The following E2F4 variants were observed in gnomAD, a reference collection of about 807,000 sequenced individuals.
The protein encoded by E2F4 is E2F transcription factor 4.
A neutral mutation model predicts 44.5 loss-of-function variants in E2F4; 16 were observed. That is an observed-to-expected ratio of 0.36 (90% CI 0.24 to 0.55). The LOEUF (loss-of-function observed/expected upper bound fraction) is 0.55. Ranked by LOEUF, E2F4 falls within the 20% of genes least tolerant of loss-of-function variation. E2F4 has a pLI of 0.87. For missense variants in E2F4, 473 were observed against 522.1 expected (o/e 0.91, Z 0.92); for synonymous variants, 242 against 207.2 (o/e 1.17, Z -1.44).
At position 67,193,072 on chromosome 16, in the gene E2F4, G is replaced by A. The variant is rs1451020100; in HGVS notation, c.309G>A (p.Glu103=). The change falls in exon 3 of 10, where the codon GAG becomes GAA. Residue 103 remains glutamate (E), a synonymous_variant. Coordinates refer to ENST00000379378, the MANE Select transcript of E2F4 (RefSeq NM_001950.4). ...IADKLIELKA[E]IEELQQREQE... ...ACAAACTGATTGAGCTCAAGGCAGA[G>A]ATCGAGGAGCTGCAGCAGCGGGAGC... is the stretch of plus-strand genomic sequence containing the variant. 6.4e-7 allele frequency: 1 copy of A among 1,570,206 alleles called. No homozygotes were observed. The highest frequency in any genetic ancestry group is 8.6e-7 in the Non-Finnish European group (1 of 1,157,102).
chr16:67,198,440 TA>T lies in E2F4; in HGVS notation c.*318del. On this transcript the variant is annotated 3_prime_UTR_variant, in exon 10 of 10. Transcript: ENST00000379378. Reference sequence around the variant, plus strand: ...ACCGAGGAGCTGCCATTACCCCCCATAGGGGGCAGTGTCTTGTTCCTGCCAG... The same window carrying T: ...ACCGAGGAGCTGCCATTACCCCCCATGGGGGCAGTGTCTTGTTCCTGCCAG... The T allele has an allele frequency of 2.9e-6, 1 of 341,800 alleles. No individual in the cohort carries two copies. The highest frequency in any genetic ancestry group is 3.0e-5 in the South Asian group (1 of 32,966). 21.2% of individuals were successfully genotyped at this position (341,800 alleles called of 1,614,324 possible).
rs2032913767 is a variant in E2F4, at chr16:67,193,107, A to G, written c.344A>G (p.Asp115Gly). The G allele has an allele frequency of 6.4e-7, 1 of 1,574,144 alleles. No individual in the cohort carries two copies. ...EELQQREQEL[D>G]QHKVWVQQSI... ...CTGCAGCAGCGGGAGCAAGAACTAG[A>G]CCAGCACAAGGTGTGGGTGCAGCAG... is the stretch of plus-strand genomic sequence containing the variant. The change falls in exon 3 of 10, where the codon GAC becomes GGC. Residue 115 changes from aspartate (D) to glycine (G), a missense_variant. This residue lies in a region of E2F4 where 119 missense variants were observed against 175.6 expected (regional missense o/e 0.68). Coordinates refer to ENST00000379378, the MANE Select transcript of E2F4 (RefSeq NM_001950.4).
At chr16:67,196,055 C>T (rs906385862) in intron 7 of E2F4, 49 bp downstream of exon 7, 1 of 1,609,588 alleles carries the variant, frequency 6.2e-7, no homozygotes, top group African/African-American at 1.3e-5. Flanking sequence ...AGCCTCAGTC[C>T]AGTCCTAGGT....
At position 67,198,678 on chromosome 16, in the gene E2F4, C is replaced by T. The variant is rs3809629; in HGVS notation, c.*555C>T. The T allele has an allele frequency of 1.1e-4, 19 of 175,738 alleles. No homozygotes were observed. The East Asian group carries it at 2.8e-3, about 26-fold the overall frequency. 10.9% of individuals were successfully genotyped at this position (175,738 alleles called of 1,614,324 possible). The stretch of plus-strand genomic sequence containing the variant: ...GCGGCTACCAAGAAGGAACAGAGGT[C>T]TCTGGGGAGGAGTCTGGGTGGTCCA... On this transcript the variant is annotated 3_prime_UTR_variant, in exon 10 of 10. Transcript: ENST00000379378.
chr16:67,192,655 GC>G (rs1264955828), intron 1 of E2F4, 105 bp from the exon 2 acceptor site: 8 of 1,115,836 alleles, frequency 7.2e-6, no homozygotes, highest in Non-Finnish European at 1.3e-6. Context: ...CGCCTGGGAG[GC>G]ACTACAGGGT....
chr16:67,192,541 T>A (rs1037045438), intron 1 of E2F4, 179 bp downstream of exon 1: 4 of 1,081,946 alleles, frequency 3.7e-6, no homozygotes, highest in Admixed American at 5.9e-5. Context: ...GAGCTACAGC[T>A]ATGGGCCAGG....
intron 6 of E2F4, 145 bp downstream of exon 6, chr16:67,195,125 A>G: frequency 9.1e-7 from 1 of 1,097,834 alleles, no homozygotes; most frequent in Non-Finnish European, 1.3e-6. Context: ...TATGGTAATG[A>G]ATGAGCCTTT....
At chr16:67,195,732 A>G in intron 6 of E2F4, 50 bp from the exon 7 acceptor site, 2 of 1,608,166 alleles carry the variant, frequency 1.2e-6, no homozygotes. Context: ...GCCAGTTTCA[A>G]CGACCTCTTC....
intron 6 of E2F4, among the ~76,000 whole-genome samples, chr16:67,195,462 AC>A (rs886196813): frequency 3.7e-4 from 56 of 152,232 alleles, no homozygotes; most frequent in African/African-American, 1.3e-3. Context: ...GGAACCTCTG[AC>A]TGTGGGAAGA....
chr16:67,198,379 G>A lies in E2F4; in HGVS notation c.*256G>A, dbSNP rs865849975. ...TTGCTTCTCCCTTTCTGCGGCCTTC[G>A]CCAGCCCAGGCTCGGCTGCCACCCA... On this transcript the variant is annotated 3_prime_UTR_variant, in exon 10 of 10. Transcript: ENST00000379378. The A allele has an allele frequency of 1.3e-5, 6 of 478,040 alleles. No individual in the cohort carries two copies. Among genetic ancestry groups the A allele is most frequent in the South Asian group, 4.6e-5 (2 of 43,436 alleles). The allele number at this position is 478,040 out of a possible 1,614,324, so 29.6% of individuals were successfully genotyped here.
chr16:67,193,542 G>T (rs2032922308), intron 4 of E2F4, 27 bp downstream of exon 4: 1 of 1,613,706 alleles, frequency 6.2e-7, no homozygotes, highest in Non-Finnish European at 8.5e-7. Context: ...TAGGGGTAAG[G>T]GGGTGGGCTG....
At chr16:67,195,647 G>T in intron 6 of E2F4, 135 bp from the exon 7 acceptor site, 1 of 1,502,262 alleles carries the variant, frequency 6.7e-7, no homozygotes, top group Non-Finnish European at 8.9e-7. Flanking sequence ...TCCTCTGGGG[G>T]TGACTGGCAA....
At position 67,198,150 on chromosome 16, in the gene E2F4, G is replaced by C; in HGVS notation, c.*27G>C. On this transcript the variant is annotated 3_prime_UTR_variant, in exon 10 of 10. Coordinates refer to ENST00000379378, the MANE Select transcript of E2F4 (RefSeq NM_001950.4). ...TGACAGGGACATGCCCTGTGTGGCT[G>C]GGACCCAGACTGTCTGACCTGGGGG... 1 of 1,605,082 alleles carries C rather than the reference G, an allele frequency of 6.2e-7. No individual in the cohort carries two copies. The highest frequency in any genetic ancestry group is 1.1e-5 in the South Asian group (1 of 90,886).
At chr16:67,194,317 C>A in intron 4 of E2F4, 81 bp from the exon 5 acceptor site, 1 of 1,501,084 alleles carries the variant, frequency 6.7e-7, no homozygotes, top group Non-Finnish European at 9.2e-7. Flanking sequence ...TGATCTCCTG[C>A]CTTGCTCCAA....
chr16:67,192,623 C>A, intron 1 of E2F4, 138 bp from the exon 2 acceptor site: 1 of 957,104 alleles, frequency 1.0e-6, no homozygotes, highest in Non-Finnish European at 1.6e-6. Context: ...TGGGACAGAG[C>A]TGCGGTCCTG....
At chr16:67,192,954 GC>G in intron 2 of E2F4, 54 bp from the exon 3 acceptor site, 5 of 1,560,574 alleles carry the variant, frequency 3.2e-6, no homozygotes, top group Non-Finnish European at 4.3e-6. Context: ...GAAGGCAGGG[GC>G]CATGGGACCC....
rs772818699 is a variant in E2F4 at position 67,194,741 on chromosome 16, T to C, written c.569T>C (p.Ile190Thr). ...QIHLKSVSGP[I>T]EVLLVNKEAW... The stretch of plus-strand genomic sequence containing the variant: ...CACCTGAAGAGTGTGAGTGGTCCCA[T>C]TGAGGTTCTGCTGGTGAACAAGGAG... The change falls in exon 6 of 10, where the codon ATT (isoleucine) becomes ACT (threonine). Residue 190 changes from isoleucine (I) to threonine (T), a missense_variant. Around this residue, in one of 3 missense-constraint regions of E2F4, gnomAD observed 314 missense variants for 315.6 expected, o/e 0.99. Coordinates refer to ENST00000379378, the MANE Select transcript of E2F4 (RefSeq NM_001950.4). 1.2e-5 allele frequency: 19 copies of C among 1,614,170 alleles called. No individual in the cohort carries two copies. Among genetic ancestry groups the C allele is most frequent in the Middle Eastern group, 1.6e-4 (1 of 6,062 alleles).
chr16:67,192,353 C>T lies in E2F4; in HGVS notation c.126C>T (p.Asp42=), dbSNP rs767487314. The T allele has an allele frequency of 7.1e-7, 1 of 1,416,580 alleles. No individual in the cohort carries two copies. 87.8% of individuals were successfully genotyped at this position (1,416,580 alleles called of 1,614,324 possible). Residue 42 remains aspartate (D), a synonymous_variant, in exon 1 of 10, where the codon GAC becomes GAT. Transcript: ENST00000379378. ...LLQEAKDGVL[D]LKLAADTLAV... is the part of the protein sequence containing the mutation. ...AGGAGGCCAAGGACGGCGTGCTTGA[C>T]CTCAAGCTGGTGCGGCCTGGGCTAA...
Position 67,194,400 on chromosome 16 carries a change from GAT to G in E2F4, c.456_457del (p.Thr153ProfsTer38). 1 of 1,614,122 alleles carries G rather than the reference GAT, an allele frequency of 6.2e-7. No individual in the cohort carries two copies. Among genetic ancestry groups the G allele is most frequent in the Non-Finnish European group, 8.5e-7 (1 of 1,180,028 alleles). On this transcript the variant is annotated frameshift_variant, in exon 5 of 10. Transcript: ENST00000379378. LOFTEE classifies it high-confidence loss of function. ...ACCCATTCTCCATGTCATTCTAGGA[GAT>G]ACCCTCTTGGCCATCCGGGCCCCAT... ...HEDICRCFAG[D>X]TLLAIRAPSG... is the part of the protein sequence containing the mutation.
Sources: gnomAD v4.1 joint callset for allele counts (sites outside exome capture counted in the v4.1 genomes callset) on GRCh38, gnomAD v4.1.1 for gene constraint, gnomAD v4.1.1 regional missense constraint, MANE v1.5 for transcripts, NCBI Gene and HGNC (gene_info 2026-07-23, HGNC 2026-07-21) for gene names.